The following WNT10A variants were observed in gnomAD, a reference collection of about 807,000 sequenced individuals.
The protein encoded by WNT10A is protein Wnt-10a.
WNT10A carries 37 observed loss-of-function variants against 36.1 expected under a neutral mutation model. The observed-to-expected ratio is 1.02, with a 90% CI of 0.79 to 1.35. The LOEUF (loss-of-function observed/expected upper bound fraction) is 1.35. WNT10A is among the 40% of genes most tolerant of loss of function. The probability of loss-of-function intolerance (pLI) is 0.00; values close to 1 mark genes in which losing one functional copy is unlikely to be tolerated. For synonymous variants in WNT10A, 255 were observed against 254.1 expected (o/e 1.00, Z -0.03); for missense variants, 613 against 601.4 (o/e 1.02, Z -0.20).
rs766438750 is a variant in WNT10A at position 218,893,171 on chromosome 2, G to A, written c.1154G>A (p.Arg385His). 1.7e-4 allele frequency: 271 copies of A among 1,584,738 alleles called. No individual in the cohort carries two copies. Among genetic ancestry groups the A allele is most frequent in the Non-Finnish European group, 2.2e-4 (262 of 1,172,434 alleles). The change falls in exon 4 of 4, where the codon CGC becomes CAC. Residue 385 changes from arginine to histidine, a missense_variant. By Grantham distance (29) the Arg-to-His change is conservative. Coordinates refer to ENST00000258411, the MANE Select transcript of WNT10A (RefSeq NM_025216.3). The surrounding 1 kb of genome is among the most constrained non-coding windows in gnomAD (Gnocchi z 6.3). ...TGCGGCCGCGGCCACAACATCCTGC[G>A]CCAGACGCGCAGCGAGCGCTGCCAC... is the stretch of plus-strand genomic sequence containing the variant. ...MCCGRGHNIL[R>H]QTRSERCHCR...
In WNT10A at chr2:218,892,994, G is replaced by GGCCGC; in HGVS notation, c.982_986dup (p.Arg330AlafsTer110). ...CCCTCGCCGGCTCCGGGCGCTCCCG[G>GGCCGC]GCCGCGCCGACGGGCCAGCCCCGCC... is the stretch of plus-strand genomic sequence containing the variant. On this transcript the variant is annotated frameshift_variant, in exon 4 of 4. Coordinates refer to ENST00000258411, the MANE Select transcript of WNT10A (RefSeq NM_025216.3). LOFTEE classifies it high-confidence loss of function. 6.5e-7 allele frequency: 1 copy of GGCCGC among 1,536,816 alleles called. No individual in the cohort carries two copies. The highest frequency in any genetic ancestry group is 8.7e-7 in the Non-Finnish European group (1 of 1,152,246).
Position 218,892,935 on chromosome 2 carries a change from C to G in WNT10A, c.918C>G (p.Asn306Lys), listed in dbSNP as rs745513263. 209 of 1,479,910 alleles carry G rather than the reference C, an allele frequency of 1.4e-4. 3 individuals carry two copies. The highest frequency in any genetic ancestry group is 8.7e-4 in the Middle Eastern group (4 of 4,624). The allele number at this position is 1,479,910 out of a possible 1,614,324, so 91.7% of individuals were successfully genotyped here. The change falls in exon 4 of 4, where the codon AAC becomes AAG. Residue 306 changes from asparagine to lysine, a missense_variant. Coordinates refer to ENST00000258411, the MANE Select transcript of WNT10A (RefSeq NM_025216.3). ...CGCTCATCCGGCCGCACAACCGCAA[C>G]GGCGGCCAGCTGGAGCCGGGCCCAG... ...RATLIRPHNR[N>K]GGQLEPGPAG...
At chr2:218,890,838 G>A (rs1944642841) in intron 3 of WNT10A, among the ~76,000 whole-genome samples, 1 of 152,184 alleles carries the variant, frequency 6.6e-6, no homozygotes, top group South Asian at 2.1e-4. Flanking sequence ...GCAAAGTAAG[G>A]GGTGTAAGTG....
intron 3 of WNT10A, among the ~76,000 whole-genome samples, chr2:218,891,446 G>A (rs1241392541): frequency 1.3e-5 from 2 of 152,080 alleles, no homozygotes; most frequent in African/African-American, 2.4e-5. Flanking sequence ...CTTAGCCCAC[G>A]ATGGGTCATC....
intron 2 of WNT10A, among the ~76,000 whole-genome samples, chr2:218,884,556 T>C (rs1282194611): frequency 6.6e-6 from 1 of 152,164 alleles, no homozygotes; most frequent in Non-Finnish European, 1.5e-5. Flanking sequence ...TTCTACCTTC[T>C]ACCTTCTACT....
intron 2 of WNT10A, among the ~76,000 whole-genome samples, chr2:218,885,395 G>A (rs919306485): frequency 1.3e-5 from 2 of 152,198 alleles, no homozygotes; most frequent in Non-Finnish European, 2.9e-5. Flanking sequence ...GTGGATCACT[G>A]TGAGGTACAG....
the WNT10A span, among the ~76,000 whole-genome samples, chr2:218,875,573 T>C: frequency 1.3e-5 from 2 of 152,172 alleles, no homozygotes; most frequent in African/African-American, 2.4e-5. Context: ...GGAAGTTACA[T>C]AGCATCACTG....
upstream of WNT10A, among the ~76,000 whole-genome samples, chr2:218,876,118 G>A (rs541478331): frequency 6.6e-6 from 1 of 152,250 alleles, no homozygotes; most frequent in East Asian, 1.9e-4. Flanking sequence ...AGCTCTATAT[G>A]CAGTCTTAGA....
At chr2:218,887,103 C>T (rs1305015317) in intron 2 of WNT10A, among the ~76,000 whole-genome samples, 1 of 152,200 alleles carries the variant, frequency 6.6e-6, no homozygotes, top group Non-Finnish European at 1.5e-5. Context: ...AGAAACTGAG[C>T]TACCTGGGTT....
chr2:218,881,011 C>T lies in WNT10A; in HGVS notation c.16C>T (p.Pro6Ser). Residue 6 changes from proline (P) to serine (S), a missense_variant, in exon 1 of 4, where the codon CCT becomes TCT. By Grantham distance (74) the Pro-to-Ser change is moderately conservative. Transcript: ENST00000258411. MGSAH[P>S]RPWLRLRPQP... ...CCTGCGCGCCATGGGCAGCGCCCAC[C>T]CTCGCCCCTGGCTGCGGCTCCGACC... The T allele has an allele frequency of 6.3e-7, 1 of 1,586,402 alleles. No individual in the cohort carries two copies. The highest frequency in any genetic ancestry group is 8.6e-7 in the Non-Finnish European group (1 of 1,166,096).
chr2:218,889,173 T>C (rs1559414564), intron 2 of WNT10A, among the ~76,000 whole-genome samples: 1 of 152,200 alleles, frequency 6.6e-6, no homozygotes, highest in Non-Finnish European at 1.5e-5. Flanking sequence ...GAACATACGA[T>C]GTTTGGTTTT....
upstream of WNT10A, among the ~76,000 whole-genome samples, chr2:218,879,198 G>A (rs1459433429): frequency 2.6e-5 from 4 of 151,752 alleles, no homozygotes; most frequent in Non-Finnish European, 5.9e-5. Context: ...TGCTCAGGCC[G>A]CCCCCACCAC....
Position 218,880,906 on chromosome 2 carries a change from C to T in WNT10A, c.-90C>T, listed in dbSNP as rs1944503810. ...GAGCTGTGTGTCGCAGCCGCCCCGA[C>T]CCCCCGCCGATCATGCGCCGGCGCC... On this transcript the variant is annotated 5_prime_UTR_variant, in exon 1 of 4. Transcript: ENST00000258411. This position sits in a 1 kb window ranked among gnomAD's most constrained non-coding sequence, Gnocchi z 7.7. 6 of 1,422,872 alleles carry T rather than the reference C, an allele frequency of 4.2e-6. No individual in the cohort carries two copies. The highest frequency in any genetic ancestry group is 2.6e-5 in the East Asian group (1 of 38,210). 88.1% of individuals were successfully genotyped at this position (1,422,872 alleles called of 1,614,324 possible).
upstream of WNT10A, among the ~76,000 whole-genome samples, chr2:218,877,606 G>T (rs774795734): frequency 6.6e-6 from 1 of 152,168 alleles, no homozygotes; most frequent in East Asian, 1.9e-4. This position sits in a 1 kb window ranked among gnomAD's most constrained non-coding sequence, Gnocchi z 4.1. Context: ...GTGCAAAGAG[G>T]CACCCCAGAT....
chr2:218,878,627 A>T (rs771267491), upstream of WNT10A, among the ~76,000 whole-genome samples: 9 of 152,028 alleles, frequency 5.9e-5, no homozygotes, highest in Non-Finnish European at 1.2e-4. This position sits in a 1 kb window ranked among gnomAD's most constrained non-coding sequence, Gnocchi z 4.1. Flanking sequence ...AGGCTGATTC[A>T]ACTTCATGGG....
intron 3 of WNT10A, among the ~76,000 whole-genome samples, chr2:218,890,965 C>T (rs1944643845): frequency 6.6e-6 from 1 of 152,196 alleles, no homozygotes; most frequent in Admixed American, 6.5e-5. Context: ...AATACATACA[C>T]ACATACATAA....
upstream of WNT10A, chr2:218,880,489 G>T: frequency 6.3e-6 from 1 of 159,102 alleles, no homozygotes; most frequent in Non-Finnish European, 1.4e-5. The surrounding 1 kb of genome is among the most constrained non-coding windows in gnomAD (Gnocchi z 7.7). Context: ...ATGGCGGGGG[G>T]GTGGGGGGAG....
chr2:218,884,676 C>T (rs1944559671), intron 2 of WNT10A, among the ~76,000 whole-genome samples: 1 of 152,220 alleles, frequency 6.6e-6, no homozygotes, highest in Admixed American at 6.5e-5. Context: ...GGGGGGCAGT[C>T]ATTTCCCAGT....
intron 3 of WNT10A, among the ~76,000 whole-genome samples, chr2:218,892,021 C>A (rs1944656652): frequency 6.6e-6 from 1 of 152,052 alleles, no homozygotes; most frequent in African/African-American, 2.4e-5. Context: ...GGCCTGAGAC[C>A]TTCTCCACTT....
Sources: gnomAD v4.1 joint callset for allele counts (sites outside exome capture counted in the v4.1 genomes callset) on GRCh38, gnomAD v4.1.1 for gene constraint, Gnocchi (gnomAD v3.1) non-coding constraint, MANE v1.5 for transcripts, NCBI Gene and HGNC (gene_info 2026-07-23, HGNC 2026-07-21) for gene names.